Variants in ARFGAP3 observed in about 807,000 individuals in gnomAD.
ARFGAP3 encodes ARF GTPase activating protein 3.
Under a neutral mutation model 75.0 loss-of-function variants are expected in ARFGAP3, and 72 were observed. That is an observed-to-expected ratio of 0.96 (90% CI 0.79 to 1.17). The LOEUF is 1.17. Ranked by LOEUF, ARFGAP3 falls within the 50% of genes most tolerant of loss-of-function variation. The pLI, the probability that ARFGAP3 is intolerant of heterozygous loss-of-function variation, is 0.00. For synonymous variants in ARFGAP3, 221 were observed against 217.9 expected, an observed-to-expected ratio of 1.01 and a Z score of -0.13; for missense variants, 620 against 626.6, an observed-to-expected ratio of 0.99 and a Z score of 0.11.
intron 2 of ARFGAP3, among the ~76,000 whole-genome samples, chr22:42,843,724 C>G (rs1038115312): frequency 1.3e-5 from 2 of 152,136 alleles, no homozygotes; most frequent in East Asian, 3.8e-4. Context: ...CCAACAAGAT[C>G]GATGCAGGGA....
intron 1 of ARFGAP3, among the ~76,000 whole-genome samples, chr22:42,850,497 TG>T (rs1927228531): frequency 7.7e-6 from 1 of 129,114 alleles, no homozygotes; most frequent in African/African-American, 2.9e-5. Flanking sequence ...CGCTTGAGCC[TG>T]GGAGGCGGAG....
Position 42,804,993 on chromosome 22 carries a change from A to G in ARFGAP3, c.1411+2080T>C, listed in dbSNP as rs180683627. On this transcript the variant is annotated intron_variant, in intron 14 of 15. Coordinates refer to ENST00000263245, the MANE Select transcript of ARFGAP3 (RefSeq NM_014570.5). ...ATAATAAAAAGTAAATATTTAATAA[A>G]AGTTGCTGGTGCCTGTAATTCCAGC... 3.5e-4 allele frequency among the ~76,000 whole-genome samples: 53 copies of G among 152,348 alleles called. 1 individual carries two copies. In the South Asian group the frequency reaches 5.6e-3, roughly 16 times the overall value.
intron 1 of ARFGAP3, among the ~76,000 whole-genome samples, chr22:42,848,657 A>G (rs1388435417): frequency 6.6e-6 from 1 of 152,178 alleles, no homozygotes; most frequent in Non-Finnish European, 1.5e-5. Flanking sequence ...AGCCCTGCCT[A>G]GAAACACTCC....
At chr22:42,832,454 C>G (rs559403479) in intron 5 of ARFGAP3, among the ~76,000 whole-genome samples, 51 of 150,642 alleles carry the variant, frequency 3.4e-4, no homozygotes, top group African/African-American at 1.1e-3. Flanking sequence ...TCACCTGAAC[C>G]TGGGAGGCAG....
chr22:42,808,698 C>CT (rs1328014918), intron 13 of ARFGAP3, 69 bp downstream of exon 13: 1 of 1,349,016 alleles, frequency 7.4e-7, no homozygotes, highest in Non-Finnish European at 1.0e-6. Flanking sequence ...ATCTCCTCCC[C>CT]GACAATGCCC....
chr22:42,830,905 TG>T (rs1309508680), intron 6 of ARFGAP3, among the ~76,000 whole-genome samples: 2 of 152,250 alleles, frequency 1.3e-5, no homozygotes, highest in Non-Finnish European at 2.9e-5. Context: ...AGAACGTTTT[TG>T]GTATGTTTTT....
At chr22:42,823,001 G>A (rs950867984) in intron 8 of ARFGAP3, among the ~76,000 whole-genome samples, 2 of 151,946 alleles carry the variant, frequency 1.3e-5, no homozygotes, top group African/African-American at 4.8e-5. Flanking sequence ...GAAGAGATGG[G>A]ATTTCACCAT....
At chr22:42,847,730 T>C in intron 1 of ARFGAP3, 98 bp from the exon 2 acceptor site, 1 of 1,395,760 alleles carries the variant, frequency 7.2e-7, no homozygotes, top group Non-Finnish European at 9.4e-7. Flanking sequence ...CTGTTTAACC[T>C]TTACAATGTA....
intron 14 of ARFGAP3, among the ~76,000 whole-genome samples, chr22:42,806,007 C>T (rs1298847817): frequency 6.6e-6 from 1 of 152,248 alleles, no homozygotes; most frequent in Non-Finnish European, 1.5e-5. Flanking sequence ...GAATGTCCGA[C>T]ACTCAGACCT....
intron 15 of ARFGAP3, 47 bp downstream of exon 15, chr22:42,798,992 G>T: frequency 6.5e-7 from 1 of 1,543,042 alleles, no homozygotes; most frequent in Non-Finnish European, 9.0e-7. Context: ...TTTTCAAACT[G>T]CTGAACCTAC....
chr22:42,846,089 T>C (rs962932267), intron 2 of ARFGAP3, among the ~76,000 whole-genome samples: 4 of 151,752 alleles, frequency 2.6e-5, no homozygotes, highest in African/African-American at 9.7e-5. Context: ...GATTTTATCT[T>C]ATAGAAACAA....
At chr22:42,797,847 C>A (rs903482381) in intron 15 of ARFGAP3, 3 of 646,006 alleles carry the variant, frequency 4.6e-6, no homozygotes, top group Non-Finnish European at 5.8e-6. Context: ...TCCACGGCCA[C>A]AGTCCTGGGA....
intron 1 of ARFGAP3, among the ~76,000 whole-genome samples, chr22:42,856,033 CCT>C (rs1927482390): frequency 6.6e-6 from 1 of 151,856 alleles, no homozygotes; most frequent in African/African-American, 2.4e-5. Context: ...GGGGTGAGAC[CCT>C]GTCTCTAAAA....
chr22:42,824,080 T>C (rs1925932728), intron 7 of ARFGAP3, among the ~76,000 whole-genome samples: 1 of 150,400 alleles, frequency 6.6e-6, no homozygotes, highest in African/African-American at 2.5e-5. Context: ...CTTAGCTGAG[T>C]GCAGTGGCAT....
intron 1 of ARFGAP3, 80 bp downstream of exon 1, chr22:42,857,034 A>C: frequency 7.2e-7 from 1 of 1,389,916 alleles, no homozygotes; most frequent in Non-Finnish European, 9.5e-7. Flanking sequence ...CTCCCAAGCC[A>C]CGGGCACTGG....
At chr22:42,852,570 A>G (rs1201603777) in intron 1 of ARFGAP3, among the ~76,000 whole-genome samples, 1 of 152,070 alleles carries the variant, frequency 6.6e-6, no homozygotes, top group East Asian at 1.9e-4. Flanking sequence ...CATGTTGCCC[A>G]GGCTGGTCTC....
In ARFGAP3 at chr22:42,834,235, T is replaced by C; in HGVS notation, c.477+7A>G. 1 of 1,612,402 alleles carries C rather than the reference T, an allele frequency of 6.2e-7. No individual in the cohort carries two copies. The highest frequency in any genetic ancestry group is 8.5e-7 in the Non-Finnish European group (1 of 1,179,434). ...CACTTTAAAATGATGTGAAGCATAA[T>C]ACATACCTCAGGAGAAACGTGAGAG... On this transcript the variant is annotated splice_region_variant and intron_variant, in intron 5 of 15. Coordinates refer to ENST00000263245, the MANE Select transcript of ARFGAP3 (RefSeq NM_014570.5).
intron 1 of ARFGAP3, chr22:42,853,578 G>A: frequency 5.6e-6 from 1 of 179,598 alleles, no homozygotes. Context: ...CTTGGCATCA[G>A]CAATGTCCAC....
rs554675514 is a variant in ARFGAP3, at chr22:42,841,636, G to A, written c.189-620C>T. On this transcript the variant is annotated intron_variant, in intron 2 of 15. Coordinates refer to ENST00000263245, the MANE Select transcript of ARFGAP3 (RefSeq NM_014570.5). ...AATGCACATTCCCCAAGGGGTCGAC[G>A]GTAAAGCAACAATGTTAGAATCTTT... 2.8e-4 allele frequency among the ~76,000 whole-genome samples: 42 copies of A among 152,120 alleles called. 1 individual carries two copies. The highest frequency in any genetic ancestry group is 1.6e-3 in the Admixed American group (24 of 15,264).
Sources: allele counts gnomAD v4.1 joint callset (sites outside exome capture counted in the v4.1 genomes callset), GRCh38; gene constraint gnomAD v4.1.1; transcripts MANE v1.5; gene names NCBI Gene and HGNC (gene_info 2026-07-23, HGNC 2026-07-21).